Variants in SKIC3 observed in about 807,000 individuals in gnomAD.
SKIC3 encodes SKI3 subunit of superkiller complex.
the SKIC3 span, among the ~76,000 whole-genome samples, chr5:95,554,112 G>A: frequency 6.6e-6 from 1 of 152,108 alleles, no homozygotes; most frequent in Non-Finnish European, 1.5e-5. Flanking sequence ...AAAAGTACGT[G>A]GCACGCAGCA....
the SKIC3 span, among the ~76,000 whole-genome samples, chr5:95,479,400 A>C: frequency 1.3e-5 from 2 of 152,078 alleles, no homozygotes; most frequent in African/African-American, 4.8e-5. Context: ...CCCAAATTAA[A>C]CTGTAGATTC....
chr5:95,469,942 A>G, the SKIC3 span: 1 of 1,609,478 alleles, frequency 6.2e-7, no homozygotes, highest in Non-Finnish European at 8.5e-7. Flanking sequence ...ATTAACTCAA[A>G]GATTTGGCAT....
At chr5:95,525,762 G>C in the SKIC3 span, 2 of 1,227,668 alleles carry the variant, frequency 1.6e-6, no homozygotes, top group South Asian at 1.2e-5. Flanking sequence ...ACACAGAAAA[G>C]CATGGTCCTA....
chr5:95,549,983 A>G, the SKIC3 span, among the ~76,000 whole-genome samples: 2 of 152,004 alleles, frequency 1.3e-5, no homozygotes, highest in African/African-American at 4.8e-5. Flanking sequence ...CTCTTGCAAG[A>G]GAGGGAGATG....
chr5:95,543,672 T>C, the SKIC3 span, among the ~76,000 whole-genome samples: 1 of 152,230 alleles, frequency 6.6e-6, no homozygotes, highest in Non-Finnish European at 1.5e-5. Flanking sequence ...ACTGGTCAAA[T>C]TCACAAAGCT....
the SKIC3 span, chr5:95,469,677 G>A: frequency 6.7e-7 from 1 of 1,501,902 alleles, no homozygotes; most frequent in Non-Finnish European, 9.2e-7. Flanking sequence ...TTGTTAAATT[G>A]GTCTGTTACA....
chr5:95,493,227 A>C, the SKIC3 span, among the ~76,000 whole-genome samples: 1 of 152,060 alleles, frequency 6.6e-6, no homozygotes, highest in Non-Finnish European at 1.5e-5. Flanking sequence ...TTTTCATTGG[A>C]CTCTAAGGAC....
At chr5:95,527,150 G>A in the SKIC3 span, among the ~76,000 whole-genome samples, 1 of 152,238 alleles carries the variant, frequency 6.6e-6, no homozygotes, top group East Asian at 1.9e-4. Context: ...TGTAGTCTGA[G>A]CCCTTTTATA....
chr5:95,501,191 G>C, the SKIC3 span, among the ~76,000 whole-genome samples: 1 of 151,766 alleles, frequency 6.6e-6, no homozygotes, highest in Non-Finnish European at 1.5e-5. Context: ...CTTGCTCAAA[G>C]GAAAAAAAAT....
chr5:95,466,950 A>G, the SKIC3 span, among the ~76,000 whole-genome samples: 1 of 152,214 alleles, frequency 6.6e-6, no homozygotes, highest in Non-Finnish European at 1.5e-5. Flanking sequence ...AACAACGGTA[A>G]ATAAATAATA....
chr5:95,525,944 A>AT, the SKIC3 span, among the ~76,000 whole-genome samples: 2 of 152,008 alleles, frequency 1.3e-5, no homozygotes, highest in Non-Finnish European at 2.9e-5. Flanking sequence ...ACAAGCAATC[A>AT]TTTTTTTCAT....
the SKIC3 span, among the ~76,000 whole-genome samples, chr5:95,545,652 A>G: frequency 6.6e-6 from 1 of 152,146 alleles, no homozygotes; most frequent in Non-Finnish European, 1.5e-5. Flanking sequence ...TCTTGCTCAC[A>G]CTGTCTGTCA....
chr5:95,467,686 A>G, the SKIC3 span, among the ~76,000 whole-genome samples: 1 of 152,174 alleles, frequency 6.6e-6, no homozygotes, highest in Non-Finnish European at 1.5e-5. Flanking sequence ...CATTTTCAAC[A>G]GATGTAACAG....
chr5:95,478,316 C>G, the SKIC3 span: 3 of 1,613,878 alleles, frequency 1.9e-6, no homozygotes, highest in Non-Finnish European at 2.5e-6. Context: ...GCAAGTAGTG[C>G]TAGTCTCAAC....
chr5:95,473,177 T>A, the SKIC3 span, among the ~76,000 whole-genome samples: 3 of 152,352 alleles, frequency 2.0e-5, no homozygotes, highest in East Asian at 5.8e-4. Flanking sequence ...ATCTACAAAC[T>A]GCTTTCCACA....
At chr5:95,492,743 G>A in the SKIC3 span, among the ~76,000 whole-genome samples, 10 of 124,272 alleles carry the variant, frequency 8.0e-5, no homozygotes, top group South Asian at 5.6e-4. Context: ...TAAATTCTAT[G>A]ATTCCAACTG....
the SKIC3 span, among the ~76,000 whole-genome samples, chr5:95,510,608 G>A: frequency 6.6e-5 from 10 of 152,238 alleles, no homozygotes; most frequent in South Asian, 2.1e-4. Flanking sequence ...AACTGACTGC[G>A]CAAGAAGACA....
chr5:95,502,311 A>C, the SKIC3 span, among the ~76,000 whole-genome samples: 19 of 152,218 alleles, frequency 1.2e-4, no homozygotes, highest in African/African-American at 4.6e-4. Context: ...TTAATAGCAT[A>C]CATTAATCAC....
chr5:95,469,768 G>T, the SKIC3 span: 1 of 1,613,836 alleles, frequency 6.2e-7, no homozygotes, highest in Non-Finnish European at 8.5e-7. Context: ...AAAAGATGAA[G>T]ATTCTTCATA....
Sources: allele counts gnomAD v4.1 joint callset (sites outside exome capture counted in the v4.1 genomes callset), GRCh38; gene constraint gnomAD v4.1.1; transcripts MANE v1.5; gene names NCBI Gene and HGNC (gene_info 2026-07-23, HGNC 2026-07-21).